ERICH6B: variants seen among roughly 807,000 people sequenced by gnomAD.
ERICH6B encodes the protein glutamate rich 6B.
Under a neutral mutation model 80.0 loss-of-function variants are expected in ERICH6B, and 69 were observed. The ratio of observed to expected loss-of-function variants is 0.86; its 90% CI spans 0.71 to 1.05. The LOEUF is 1.05. Ranked by LOEUF, ERICH6B falls within the 50% of genes least tolerant of loss-of-function variation. The probability of loss-of-function intolerance (pLI) is 0.00; values close to 1 mark genes in which losing one functional copy is unlikely to be tolerated. For synonymous variants in ERICH6B, 283 were observed against 291.9 expected (o/e 0.97, Z 0.31); for missense variants, 754 against 796.1 (o/e 0.95, Z 0.64).
chr13:45,601,443 T>G (rs1378876881), intron 2 of ERICH6B, among the ~76,000 whole-genome samples: 2 of 152,200 alleles, frequency 1.3e-5, no homozygotes, highest in Non-Finnish European at 2.9e-5. Flanking sequence ...GCTTTGCTTT[T>G]CTTTGACAGC....
chr13:45,551,135 C>T (rs927013017), intron 11 of ERICH6B, among the ~76,000 whole-genome samples: 7 of 152,174 alleles, frequency 4.6e-5, no homozygotes, highest in Admixed American at 1.3e-4. Context: ...AAAGAGATCT[C>T]TGCTGTCTCT....
intron 5 of ERICH6B, among the ~76,000 whole-genome samples, chr13:45,584,330 G>A (rs572356077): frequency 9.1e-4 from 139 of 152,252 alleles, no homozygotes; most frequent in Non-Finnish European, 1.6e-3. Flanking sequence ...GCCTTTCCAC[G>A]TCAGACCTGC....
intron 14 of ERICH6B, among the ~76,000 whole-genome samples, chr13:45,542,152 T>C (rs114353125): frequency 0.028 from 4,275 of 152,254 alleles, 199 homozygotes; most frequent in African/African-American, 0.096. Context: ...GCCGCCTCTA[T>C]GCCAAGTTCT....
intron 1 of ERICH6B, among the ~76,000 whole-genome samples, chr13:45,608,262 G>T (rs780440641): frequency 6.6e-6 from 1 of 152,120 alleles, no homozygotes; most frequent in Non-Finnish European, 1.5e-5. Context: ...GGAACACTCG[G>T]CCTCAGCCTC....
chr13:45,610,653 T>C (rs1261793443), intron 1 of ERICH6B, among the ~76,000 whole-genome samples: 1 of 152,240 alleles, frequency 6.6e-6, no homozygotes, highest in African/African-American at 2.4e-5. Flanking sequence ...ATTGCTTCTA[T>C]GCTACAAGCT....
chr13:45,573,089 A>G (rs908642421), intron 8 of ERICH6B, among the ~76,000 whole-genome samples: 1 of 152,096 alleles, frequency 6.6e-6, no homozygotes, highest in Non-Finnish European at 1.5e-5. Flanking sequence ...AACTGCTAGA[A>G]ATTTATTCTT....
chr13:45,581,871 C>T (rs941259068), intron 5 of ERICH6B, among the ~76,000 whole-genome samples: 3 of 152,118 alleles, frequency 2.0e-5, no homozygotes, highest in South Asian at 2.1e-4. Context: ...AGCAAGAGGC[C>T]GGCACTTCTA....
intron 11 of ERICH6B, among the ~76,000 whole-genome samples, chr13:45,551,784 T>A (rs3014912): frequency 2.0e-5 from 3 of 151,926 alleles, no homozygotes; most frequent in African/African-American, 7.3e-5. Context: ...TTGAGGCTAC[T>A]AGTTTGATCT....
chr13:45,566,722 G>A (rs1040392582), intron 9 of ERICH6B, among the ~76,000 whole-genome samples: 8 of 152,222 alleles, frequency 5.3e-5, no homozygotes, highest in South Asian at 2.1e-4. Context: ...CTGTAGGGGC[G>A]GGGTCCTCAT....
intron 1 of ERICH6B, among the ~76,000 whole-genome samples, chr13:45,608,629 A>C (rs1180512278): frequency 6.6e-6 from 1 of 152,214 alleles, no homozygotes; most frequent in Non-Finnish European, 1.5e-5. Flanking sequence ...CTCCACTAAG[A>C]ACCTAAAAAG....
In ERICH6B at chr13:45,550,241, C is replaced by T; in HGVS notation, c.1483G>A (p.Gly495Ser). ...VYQILFPDGT[G>S]QIHYPSGNLA... ...TGCTTCTGTGGATACTGTATCTGGC[C>T]TGTCCCATCAGGAAAGAGAATTTGA... Residue 495 changes from glycine (G) to serine (S), a missense_variant, in exon 12 of 15, where the codon GGC becomes AGC. Physicochemically the swap from Gly to Ser is moderately conservative, Grantham distance 56. Coordinates refer to ENST00000298738, the MANE Select transcript of ERICH6B (RefSeq NM_182542.3). 1.3e-6 allele frequency: 2 copies of T among 1,551,472 alleles called. No homozygotes were observed. Among genetic ancestry groups the T allele is most frequent in the Non-Finnish European group, 1.7e-6 (2 of 1,146,814 alleles).
intron 1 of ERICH6B, among the ~76,000 whole-genome samples, chr13:45,612,819 G>T (rs1466450552): frequency 2.6e-5 from 4 of 152,118 alleles, no homozygotes; most frequent in Non-Finnish European, 5.9e-5. Context: ...AGAGAGGAAG[G>T]GCATCTTTTA....
Position 45,587,235 on chromosome 13 carries a change from G to C in ERICH6B, c.687-3C>G. 1.3e-6 allele frequency: 2 copies of C among 1,551,466 alleles called. No homozygotes were observed. The highest frequency in any genetic ancestry group is 4.9e-5 in the East Asian group (2 of 40,916). ...GAGAGGGGCCAGCGTCTGGACTCCT[G>C]TCAGAGGGGAGAACAGGAAGGTCAA... On this transcript the variant is annotated splice_region_variant and splice_polypyrimidine_tract_variant and intron_variant, in intron 4 of 14. Transcript: ENST00000298738.
Position 45,561,437 on chromosome 13 carries a change from G to A in ERICH6B, c.1339C>T (p.Pro447Ser), listed in dbSNP as rs1395715320. 1 of 1,552,222 alleles carries A rather than the reference G, an allele frequency of 6.4e-7. No individual in the cohort carries two copies. Among genetic ancestry groups the A allele is most frequent in the Non-Finnish European group, 8.7e-7 (1 of 1,147,118 alleles). ...EKPETEEIQK[P>S]QRVVHHRKKL... ...TTCCTATGATGAACAACACGTTGAG[G>A]CTTTTGGATTTCTTCTGTCTCAGGC... The change falls in exon 11 of 15, where the codon CCT becomes TCT. Residue 447 changes from proline to serine, a missense_variant. Coordinates refer to ENST00000298738, the MANE Select transcript of ERICH6B (RefSeq NM_182542.3).
intron 5 of ERICH6B, among the ~76,000 whole-genome samples, chr13:45,583,631 G>A (rs1566298237): frequency 6.6e-6 from 1 of 152,144 alleles, no homozygotes; most frequent in Admixed American, 6.5e-5. Context: ...GGAGGGACCT[G>A]CTGGGAGATA....
chr13:45,541,651 C>T lies in ERICH6B; in HGVS notation c.1902G>A (p.Met634Ile), dbSNP rs1873782887. ...CTGCCTCCAGGATGGTTTTCTTCTTCATTTCGCTCAGCACCTCTGGGATCA... is the reference window on the plus strand; with the variant it reads ...CTGCCTCCAGGATGGTTTTCTTCTTTATTTCGCTCAGCACCTCTGGGATCA... Reference protein sequence around the residue: ...KFVIPEVLSEMKKKTILEAEP... With the variant: ...KFVIPEVLSEIKKKTILEAEP... The change falls in exon 15 of 15, where the codon ATG becomes ATA. Residue 634 changes from methionine to isoleucine, a missense_variant. By Grantham distance (10) the Met-to-Ile change is conservative. Coordinates refer to ENST00000298738, the MANE Select transcript of ERICH6B (RefSeq NM_182542.3). 2 of 1,550,686 alleles carry T rather than the reference C, an allele frequency of 1.3e-6. No homozygotes were observed. The highest frequency in any genetic ancestry group is 2.4e-5 in the South Asian group (2 of 84,022).
intron 1 of ERICH6B, among the ~76,000 whole-genome samples, chr13:45,612,985 C>T (rs1949908389): frequency 6.6e-6 from 1 of 152,082 alleles, no homozygotes; most frequent in Non-Finnish European, 1.5e-5. Flanking sequence ...CTTCAGACAC[C>T]CAGGCAAAAG....
chr13:45,589,577 G>C (rs1566300860), intron 4 of ERICH6B, among the ~76,000 whole-genome samples: 1 of 152,180 alleles, frequency 6.6e-6, no homozygotes, highest in Non-Finnish European at 1.5e-5. Context: ...TTACAGATGA[G>C]GAAACTGAGG....
chr13:45,544,670 G>A (rs1268765153), intron 14 of ERICH6B, 90 bp downstream of exon 14: 15 of 1,103,064 alleles, frequency 1.4e-5, no homozygotes, highest in Non-Finnish European at 1.7e-5. Flanking sequence ...AAGCCTGGAG[G>A]CCTGTGGCAT....
Sources: gnomAD v4.1 joint callset for allele counts (sites outside exome capture counted in the v4.1 genomes callset) on GRCh38, gnomAD v4.1.1 for gene constraint, MANE v1.5 for transcripts, NCBI Gene and HGNC (gene_info 2026-07-23, HGNC 2026-07-21) for gene names.